ISM1: variants seen among roughly 807,000 people sequenced by gnomAD.
ISM1 encodes the protein isthmin 1.
A neutral mutation model predicts 46.3 loss-of-function variants in ISM1; 25 were observed. That is an observed-to-expected ratio of 0.54 (90% CI 0.39 to 0.75). The LOEUF (loss-of-function observed/expected upper bound fraction) is 0.75. ISM1 is among the 30% of genes least tolerant of loss of function. The pLI is 0.00. For synonymous variants in ISM1, 255 were observed against 256.7 expected (o/e 0.99, Z 0.06); for missense variants, 536 against 625.4 (o/e 0.86, Z 1.52).
At chr20:13,286,355 T>C (rs1490110259) in intron 3 of ISM1, among the ~76,000 whole-genome samples, 1 of 151,646 alleles carries the variant, frequency 6.6e-6, no homozygotes, top group Non-Finnish European at 1.5e-5. Context: ...ACCTGAGTGG[T>C]TTCTCCATCC....
At chr20:13,273,215 T>TTTTTATTTTATTTTATTTTATTTTA (rs60448833) in intron 2 of ISM1, among the ~76,000 whole-genome samples, 16,242 of 130,564 alleles carry the variant, frequency 0.12, 2,248 homozygotes, top group African/African-American at 0.31. Flanking sequence ...ACTTGGGTCT[T>TTTTTATTTTATTTTATTTTATTTTA]TTTTATTTTA....
Position 13,221,306 on chromosome 20 carries a change from G to A in ISM1, c.-471G>A, listed in dbSNP as rs1198000073. Among the ~76,000 whole-genome samples the A allele has an allele frequency of 7.0e-6, 1 of 143,558 alleles. No homozygotes were observed. Among genetic ancestry groups the A allele is most frequent in the South Asian group, 2.2e-4 (1 of 4,498 alleles). The allele number at this position is 143,558 out of a possible 152,430, so 94.2% of individuals were successfully genotyped here. ...TCCTCCCCGCGCTTCTCTGGCGGCC[G>A]CTCCCGCTCCAGCTGCGGCGCCGCG... is the stretch of plus-strand genomic sequence containing the variant. On this transcript the variant is annotated 5_prime_UTR_variant, in exon 1 of 6. Coordinates refer to ENST00000262487, the MANE Select transcript of ISM1 (RefSeq NM_080826.2).
At chr20:13,230,644 C>T (rs1350046387) in intron 1 of ISM1, among the ~76,000 whole-genome samples, 1 of 151,924 alleles carries the variant, frequency 6.6e-6, no homozygotes, top group African/African-American at 2.4e-5. Context: ...CTCTACTCAT[C>T]CCCCAAAGAC....
At chr20:13,253,648 G>C (rs1280021645) in intron 1 of ISM1, among the ~76,000 whole-genome samples, 1 of 152,054 alleles carries the variant, frequency 6.6e-6, no homozygotes, top group African/African-American at 2.4e-5. Flanking sequence ...TTCCACAGGG[G>C]ATAGGACCCG....
intron 2 of ISM1, among the ~76,000 whole-genome samples, chr20:13,276,770 G>C (rs2040184881): frequency 6.6e-6 from 1 of 152,152 alleles, no homozygotes; most frequent in Non-Finnish European, 1.5e-5. Context: ...CATGTAAATA[G>C]AATGAGAGCA....
chr20:13,267,424 A>T (rs2040055346), intron 1 of ISM1, among the ~76,000 whole-genome samples: 1 of 152,184 alleles, frequency 6.6e-6, no homozygotes, highest in South Asian at 2.1e-4. Flanking sequence ...TTGTGGCCTG[A>T]ACTGCCCAGC....
intron 2 of ISM1, among the ~76,000 whole-genome samples, chr20:13,271,266 G>T (rs531440042): frequency 6.7e-4 from 102 of 152,240 alleles, no homozygotes; most frequent in African/African-American, 2.1e-3. Context: ...TTACTCTAAA[G>T]TATACATGAC....
chr20:13,253,505 C>T (rs1216624665), intron 1 of ISM1, among the ~76,000 whole-genome samples: 1 of 152,174 alleles, frequency 6.6e-6, no homozygotes, highest in African/African-American at 2.4e-5. Flanking sequence ...AATGATAGCT[C>T]CTTACCGACT....
At chr20:13,231,691 A>G (rs981423135) in intron 1 of ISM1, among the ~76,000 whole-genome samples, 12 of 152,194 alleles carry the variant, frequency 7.9e-5, no homozygotes, top group African/African-American at 1.4e-4. Context: ...TGCACAGAGC[A>G]CTCTCTATGG....
intron 2 of ISM1, among the ~76,000 whole-genome samples, chr20:13,273,075 G>A (rs536533900): frequency 6.6e-6 from 1 of 152,148 alleles, no homozygotes; most frequent in African/African-American, 2.4e-5. Flanking sequence ...GCCGGGGACT[G>A]TTCCTTCATT....
At position 13,279,921 on chromosome 20, in the gene ISM1, T is replaced by C. The variant is rs547982318; in HGVS notation, c.643+23T>C. Reference sequence around the variant, plus strand: ...ATGGTGAGTTTACCACCTAGTAATATAAAATTGGTGGGAAGAATAAACGAG... The same window carrying C: ...ATGGTGAGTTTACCACCTAGTAATACAAAATTGGTGGGAAGAATAAACGAG... On this transcript the variant is annotated intron_variant, in intron 3 of 5. Transcript: ENST00000262487. The C allele has an allele frequency of 1.9e-4, 301 of 1,605,032 alleles. 4 individuals carry two copies. In the South Asian group the frequency reaches 3.0e-3, roughly 16 times the overall value.
At chr20:13,277,958 GTTAT>G (rs2040199083) in intron 2 of ISM1, among the ~76,000 whole-genome samples, 2 of 152,124 alleles carry the variant, frequency 1.3e-5, no homozygotes, top group Non-Finnish European at 2.9e-5. Context: ...AAAGGAAGGG[GTTAT>G]TTGTCTCAGG....
chr20:13,306,463 T>A, the ISM1 span, among the ~76,000 whole-genome samples: 1 of 151,216 alleles, frequency 6.6e-6, no homozygotes, highest in Non-Finnish European at 1.5e-5. Flanking sequence ...AGTTATACCC[T>A]TCTTTATTTC....
At chr20:13,290,665 A>G (rs1279426991) in intron 4 of ISM1, among the ~76,000 whole-genome samples, 2 of 152,332 alleles carry the variant, frequency 1.3e-5, no homozygotes, top group African/African-American at 4.8e-5. Context: ...CTCAAAACAA[A>G]AAAAGAAAGA....
intron 1 of ISM1, among the ~76,000 whole-genome samples, chr20:13,254,977 T>C (rs997969388): frequency 3.3e-5 from 5 of 152,238 alleles, no homozygotes; most frequent in Admixed American, 3.3e-4. Flanking sequence ...GGCCAAGTGC[T>C]GAGGCACAGA....
chr20:13,240,168 C>T (rs977135151), intron 1 of ISM1, among the ~76,000 whole-genome samples: 13 of 152,168 alleles, frequency 8.5e-5, no homozygotes, highest in Non-Finnish European at 1.6e-4. Flanking sequence ...ACTTTCATAT[C>T]GCGTGGCTGT....
downstream of ISM1, chr20:13,300,800 A>G (rs1398020628): frequency 6.6e-6 from 1 of 152,208 alleles, no homozygotes; most frequent in Non-Finnish European, 1.5e-5. Context: ...AAGTCATGGC[A>G]TCCTTGGCAC....
chr20:13,247,517 GGTGTGT>G (rs35224672), intron 1 of ISM1, among the ~76,000 whole-genome samples: 16,154 of 139,670 alleles, frequency 0.12, 979 homozygotes, highest in East Asian at 0.24. Flanking sequence ...CAAAGTGAGG[GGTGTGT>G]GTGTGTGTGT....
chr20:13,227,085 C>T (rs915098730), intron 1 of ISM1, among the ~76,000 whole-genome samples: 8 of 152,150 alleles, frequency 5.3e-5, no homozygotes, highest in African/African-American at 1.9e-4. Context: ...GTCTTGAATA[C>T]TTTTTTGTGT....
Sources: gnomAD v4.1 joint callset for allele counts (sites outside exome capture counted in the v4.1 genomes callset) on GRCh38, gnomAD v4.1.1 for gene constraint, MANE v1.5 for transcripts, NCBI Gene and HGNC (gene_info 2026-07-23, HGNC 2026-07-21) for gene names.